LRRC73: variants seen among roughly 807,000 people sequenced by gnomAD.
The protein encoded by LRRC73 is leucine-rich repeat-containing protein 73.
A neutral mutation model predicts 26.4 loss-of-function variants in LRRC73; 16 were observed. That is an observed-to-expected ratio of 0.61 (90% CI 0.41 to 0.92). LRRC73 has a LOEUF of 0.92. Ranked by LOEUF, LRRC73 falls within the 40% of genes least tolerant of loss-of-function variation. The pLI, the probability that LRRC73 is intolerant of heterozygous loss-of-function variation, is 0.00. For synonymous variants in LRRC73, 210 were observed against 179.8 expected, an observed-to-expected ratio of 1.17 and a Z score of -1.34; for missense variants, 344 against 416.3, an observed-to-expected ratio of 0.83 and a Z score of 1.51.
chr6:43,509,318 C>G (rs1269144536), intron 1 of LRRC73, among the ~76,000 whole-genome samples, 196 bp downstream of exon 1: 3 of 152,192 alleles, frequency 2.0e-5, no homozygotes, highest in Non-Finnish European at 4.4e-5. Context: ...TATCCCAACA[C>G]GGCTAGGGTC....
At chr6:43,509,580 GACA>G in exon 1 of LRRC73, 1 of 1,609,206 alleles carries the variant, frequency 6.2e-7, no homozygotes, top group Non-Finnish European at 8.5e-7. Flanking sequence ...GCTGGGGCTG[GACA>G]CGACGCCCAG....
exon 1 of LRRC73, chr6:43,509,923 T>G (rs1792613260): frequency 1.6e-6 from 1 of 629,878 alleles, no homozygotes; most frequent in Non-Finnish European, 2.3e-6. Flanking sequence ...AGGCGGCGGC[T>G]GTGGCGGAGG....
chr6:43,510,330 C>A (rs554693634), exon 1 of LRRC73: 1 of 152,662 alleles, frequency 6.6e-6, no homozygotes, highest in Non-Finnish European at 1.5e-5. Context: ...GCGGCAGCTC[C>A]GGCTCCAGCT....
chr6:43,507,761 C>A, intron 4 of LRRC73, 65 bp downstream of exon 4: 1 of 1,590,096 alleles, frequency 6.3e-7, no homozygotes, highest in Non-Finnish European at 8.6e-7. Context: ...TTAGGTATGT[C>A]ATCAGACACA....
chr6:43,509,415 T>C (rs1274289366), intron 1 of LRRC73, 99 bp downstream of exon 1: 32 of 1,381,228 alleles, frequency 2.3e-5, no homozygotes, highest in African/African-American at 7.2e-5. Context: ...CATGTGAAGG[T>C]AGGATGGTAC....
chr6:43,508,875 G>T (rs1444507321), exon 2 of LRRC73: 3 of 1,612,238 alleles, frequency 1.9e-6, no homozygotes, highest in Non-Finnish European at 2.5e-6. Flanking sequence ...CCAGGGCTGG[G>T]TTCAGCAAGG....
Position 43,508,044 on chromosome 6 carries a change from T to C in LRRC73, c.557-118A>G, listed in dbSNP as rs557284072. 4.8e-6 allele frequency: 5 copies of C among 1,048,200 alleles called. No individual in the cohort carries two copies. In the South Asian group the frequency reaches 6.2e-5, roughly 13 times the overall value. The allele number at this position is 1,048,200 out of a possible 1,614,324, so 64.9% of individuals were successfully genotyped here. ...TCCCTGGCCAAGGAAACATGGACAA[T>C]TGGTGGTGGTCAGGAAGGGATCATT... On this transcript the variant is annotated intron_variant, in intron 3 of 5. Coordinates refer to ENST00000372441, the Ensembl canonical transcript of LRRC73.
At chr6:43,507,955 C>T (rs1206400502) in intron 3 of LRRC73, 29 bp from the exon 4 acceptor site, 1 of 1,579,278 alleles carries the variant, frequency 6.3e-7, no homozygotes, top group Admixed American at 1.7e-5. Flanking sequence ...TGCACACATT[C>T]ATACACATGC....
chr6:43,508,561 G>A (rs1792576412), intron 2 of LRRC73, 141 bp from the exon 3 acceptor site: 2 of 1,421,544 alleles, frequency 1.4e-6, no homozygotes, highest in Non-Finnish European at 1.9e-6. Flanking sequence ...GAGCCATTAA[G>A]GAGGCCCATG....
At chr6:43,507,573 AGAG>A in exon 5 of LRRC73, 1 of 1,613,864 alleles carries the variant, frequency 6.2e-7, no homozygotes, top group Non-Finnish European at 8.5e-7. Context: ...TCTCCCTCAG[AGAG>A]GAGGTCACAG....
chr6:43,508,256 C>G, intron 3 of LRRC73, 42 bp downstream of exon 3: 1 of 1,576,394 alleles, frequency 6.3e-7, no homozygotes, highest in Non-Finnish European at 8.6e-7. Flanking sequence ...TTGGATAGGG[C>G]ATGAGGCAGT....
At position 43,509,654 on chromosome 6, in the gene LRRC73, G is replaced by A. The variant is rs747345099; in HGVS notation, c.132C>T (p.Asp44=). Residue 44 remains aspartate (D), a synonymous_variant, in exon 1 of 6, where the codon GAC becomes GAT. Transcript: ENST00000372441. ...CCAGGGCCCGGCAGATGCGGCCAAA[G>A]TCGCGGTCGCAGAGGCGGCAGCCGC... 3 of 1,598,020 alleles carry A rather than the reference G, an allele frequency of 1.9e-6. No homozygotes were observed. In the South Asian group the frequency reaches 3.3e-5, roughly 18 times the overall value.
rs142261504 is a variant in LRRC73 at position 43,507,272 on chromosome 6, A to G, written c.917T>C (p.Leu306Pro). The G allele has an allele frequency of 4.3e-6, 7 of 1,613,846 alleles. No homozygotes were observed. Among genetic ancestry groups the G allele is most frequent in the Non-Finnish European group, 5.9e-6 (7 of 1,180,030 alleles). ...GGTCTCAGCCAACAGACTGTCCCCT[A>G]GTCCTGACGTCATTAGCACCATCTG... Residue 306 changes from leucine (L) to proline (P), a missense_variant, in exon 6 of 6, where the codon CTA becomes CCA. By Grantham distance (98) the Leu-to-Pro change is moderately conservative (BLOSUM62 -3). Transcript: ENST00000372441.
At chr6:43,508,900 G>C (rs1304073313) in exon 2 of LRRC73, 1 of 1,608,020 alleles carries the variant, frequency 6.2e-7, no homozygotes, top group Non-Finnish European at 8.5e-7. Context: ...CCCCGCATCT[G>C]TCAGGGGGCT....
chr6:43,507,687 G>C lies in LRRC73; in HGVS notation c.658-9C>G. 6.2e-7 allele frequency: 1 copy of C among 1,613,230 alleles called. No individual in the cohort carries two copies. The highest frequency in any genetic ancestry group is 8.5e-7 in the Non-Finnish European group (1 of 1,179,324). ...ACCATGTCCAGCAGGGTCTGAAGTG[G>C]GGAAGAATATGGAAAAGGATGAACA... On this transcript the variant is annotated splice_polypyrimidine_tract_variant and intron_variant, in intron 4 of 5. Coordinates refer to ENST00000372441, the Ensembl canonical transcript of LRRC73.
At chr6:43,509,832 G>C (rs565210369) in exon 1 of LRRC73, 57 of 1,423,338 alleles carry the variant, frequency 4.0e-5, no homozygotes, top group Non-Finnish European at 5.2e-5. Context: ...ACGGAGGTTG[G>C]TGGGGCCGCG....
chr6:43,508,474 G>A, intron 2 of LRRC73, 54 bp from the exon 3 acceptor site: 10 of 1,609,644 alleles, frequency 6.2e-6, no homozygotes, highest in Non-Finnish European at 8.5e-6. Context: ...CCCTCCTCCA[G>A]CCCTTCCCCA....
chr6:43,507,870 C>T (rs1220252946), exon 4 of LRRC73: 3 of 1,613,846 alleles, frequency 1.9e-6, no homozygotes, highest in African/African-American at 1.3e-5. Context: ...AAGTCTAGGA[C>T]CTCTAGGGTA....
intron 4 of LRRC73, 46 bp downstream of exon 4, chr6:43,507,780 C>T (rs1322757270): frequency 1.2e-6 from 2 of 1,600,848 alleles, no homozygotes; most frequent in South Asian, 1.1e-5. Context: ...CATAAACTAA[C>T]CTCCACCCCA....
Sources: gnomAD v4.1 joint callset for allele counts (sites outside exome capture counted in the v4.1 genomes callset) on GRCh38, gnomAD v4.1.1 for gene constraint, MANE v1.5 for transcripts, NCBI Gene and HGNC (gene_info 2026-07-23, HGNC 2026-07-21) for gene names.